The following GOLGA1 variants were observed in gnomAD, a reference collection of about 807,000 sequenced individuals.
GOLGA1 encodes golgin subfamily A member 1.
GOLGA1 carries 63 observed loss-of-function variants against 119.7 expected under a neutral mutation model. The observed-to-expected ratio is 0.53, with a 90% CI of 0.43 to 0.65. GOLGA1 has a LOEUF of 0.65. Among genes scored for constraint, GOLGA1 ranks in the 30% least tolerant of loss-of-function variants. GOLGA1 has a pLI of 0.00. For missense variants in GOLGA1, 798 were observed against 912.8 expected (o/e 0.87, Z 1.62); for synonymous variants, 318 against 333.4 (o/e 0.95, Z 0.50).
intron 4 of GOLGA1, among the ~76,000 whole-genome samples, chr9:124,930,066 C>T (rs1830745447): frequency 1.3e-5 from 2 of 152,020 alleles, no homozygotes; most frequent in South Asian, 4.2e-4. Context: ...ACACAGTGCT[C>T]AATAAAATGT....
At chr9:124,929,846 A>G (rs777242871) in intron 4 of GOLGA1, among the ~76,000 whole-genome samples, 7 of 152,202 alleles carry the variant, frequency 4.6e-5, no homozygotes, top group Non-Finnish European at 8.8e-5. Flanking sequence ...GAATGTCAGA[A>G]TTAATTATCT....
chr9:124,936,599 C>A (rs1219578518), intron 3 of GOLGA1, among the ~76,000 whole-genome samples: 3 of 151,020 alleles, frequency 2.0e-5, no homozygotes, highest in Non-Finnish European at 2.9e-5. Context: ...CCACCACCAA[C>A]CAGGCAAATT....
chr9:124,930,165 T>G (rs1315164467), intron 4 of GOLGA1, among the ~76,000 whole-genome samples: 1 of 152,206 alleles, frequency 6.6e-6, no homozygotes, highest in Non-Finnish European at 1.5e-5. Flanking sequence ...TAAATGTCAG[T>G]GCTCTTCCCT....
rs779991272 is a variant in GOLGA1, at chr9:124,928,301, C to A, written c.302-16G>T. On this transcript the variant is annotated splice_polypyrimidine_tract_variant and intron_variant, in intron 5 of 22. Transcript: ENST00000373555. ...CGCATGGAAGCTGTTAACAAAGAGG[C>A]TCTATTTGAGATATGAAAACACTTC... 5.0e-6 allele frequency: 7 copies of A among 1,412,338 alleles called. No individual in the cohort carries two copies. In the Admixed American group the frequency reaches 1.2e-4, roughly 24 times the overall value. 87.5% of individuals were successfully genotyped at this position (1,412,338 alleles called of 1,614,324 possible).
Position 124,938,633 on chromosome 9 carries a change from G to A in GOLGA1, c.79C>T (p.Arg27Trp), listed in dbSNP as rs138234842. Residue 27 changes from arginine to tryptophan, a missense_variant, in exon 3 of 23, where the codon CGG becomes TGG. Physicochemically the swap from Arg to Trp is moderately radical, Grantham distance 101 (BLOSUM62 -3). Transcript: ENST00000373555. The part of the protein sequence containing the change: ...QRPGGATRIP[R>W]SVSKESVASM... ...GCAACTGATTCCTTGCTCACAGACC[G>A]TGGGATCCTAGTAGCACCTCCTGGC... is the stretch of plus-strand genomic sequence containing the variant. 3.7e-6 allele frequency: 6 copies of A among 1,612,790 alleles called. No individual in the cohort carries two copies. The highest frequency in any genetic ancestry group is 1.1e-5 in the South Asian group (1 of 91,058).
chr9:124,889,104 TC>T (rs1829795130), intron 18 of GOLGA1, 38 bp downstream of exon 18: 1 of 1,557,176 alleles, frequency 6.4e-7, no homozygotes, highest in African/African-American at 1.4e-5. Flanking sequence ...CTGCCCTGCA[TC>T]TTGCTGTAGC....
chr9:124,938,613 T>C lies in GOLGA1; in HGVS notation c.99A>G (p.Ser33=). The C allele has an allele frequency of 1.9e-6, 3 of 1,613,648 alleles. No homozygotes were observed. Among genetic ancestry groups the C allele is most frequent in the Non-Finnish European group, 2.5e-6 (3 of 1,179,580 alleles). Reference sequence around the variant, plus strand: ...CTGAGTCAGCTCCCATTGAGGCAACTGATTCCTTGCTCACAGACCGTGGGA... The same window carrying C: ...CTGAGTCAGCTCCCATTGAGGCAACCGATTCCTTGCTCACAGACCGTGGGA... ...TRIPRSVSKE[S]VASMGADSGD... The change falls in exon 3 of 23, where the codon TCA becomes TCG. Residue 33 remains serine, a synonymous_variant. Coordinates refer to ENST00000373555, the MANE Select transcript of GOLGA1 (RefSeq NM_002077.4).
chr9:124,902,462 GT>G (rs1257237906), intron 12 of GOLGA1, among the ~76,000 whole-genome samples: 1 of 150,886 alleles, frequency 6.6e-6, no homozygotes, highest in African/African-American at 2.4e-5. Context: ...ATGCAGCTTG[GT>G]GAAGGAGAGG....
intron 7 of GOLGA1, 58 bp from the exon 8 acceptor site, chr9:124,923,281 C>T (rs1164559259): frequency 5.7e-6 from 8 of 1,391,692 alleles, no homozygotes; most frequent in East Asian, 2.3e-5. Flanking sequence ...ATCTGTATTA[C>T]GAAAGTGAAA....
In GOLGA1 at chr9:124,928,313, T is replaced by C. The variant is rs747972281; in HGVS notation, c.302-28A>G. On this transcript the variant is annotated intron_variant, in intron 5 of 22. Transcript: ENST00000373555. ...GTTAACAAAGAGGCTCTATTTGAGA[T>C]ATGAAAACACTTCAGAAACAGCATG... 4.6e-5 allele frequency: 55 copies of C among 1,200,052 alleles called. No individual in the cohort carries two copies. The Admixed American group carries it at 9.6e-4, about 21-fold the overall frequency. 74.3% of individuals were successfully genotyped at this position (1,200,052 alleles called of 1,614,324 possible). A position where few individuals can be genotyped will look rare whatever the true frequency, so the allele number is the denominator to read the frequency against.
chr9:124,923,472 G>C (rs1408832971), intron 7 of GOLGA1, among the ~76,000 whole-genome samples: 3 of 151,980 alleles, frequency 2.0e-5, no homozygotes, highest in Non-Finnish European at 4.4e-5. Flanking sequence ...AAAATCTTCA[G>C]GAAATCTCAT....
chr9:124,907,757 C>A (rs1235584886), intron 12 of GOLGA1, among the ~76,000 whole-genome samples: 1 of 152,170 alleles, frequency 6.6e-6, no homozygotes, highest in Non-Finnish European at 1.5e-5. Context: ...AAATACCACT[C>A]CACACTCAGT....
chr9:124,909,398 A>C (rs983046570), intron 11 of GOLGA1, among the ~76,000 whole-genome samples: 4 of 150,876 alleles, frequency 2.7e-5, no homozygotes, highest in African/African-American at 9.8e-5. Context: ...ACGAGGTCAG[A>C]AGTTCGAGAC....
chr9:124,927,822 A>G (rs547529272), intron 6 of GOLGA1, among the ~76,000 whole-genome samples: 1 of 152,330 alleles, frequency 6.6e-6, no homozygotes, highest in South Asian at 2.1e-4. Flanking sequence ...AGTTAATAAC[A>G]TCTTCTCCAG....
At chr9:124,906,904 T>C (rs1830244873) in intron 12 of GOLGA1, among the ~76,000 whole-genome samples, 1 of 152,192 alleles carries the variant, frequency 6.6e-6, no homozygotes, top group Non-Finnish European at 1.5e-5. Context: ...GGAATATATT[T>C]ACATTGTTAG....
chr9:124,904,433 CTT>C (rs1470916380), intron 12 of GOLGA1, among the ~76,000 whole-genome samples: 1 of 152,110 alleles, frequency 6.6e-6, no homozygotes, highest in Non-Finnish European at 1.5e-5. Context: ...ATAAAACAGT[CTT>C]TTCAGAAAAA....
chr9:124,946,627 C>T lies in GOLGA1; in HGVS notation c.-156+1291G>A, dbSNP rs963286258. ...GAAGTAACCAAACATTGATACTTGG[C>T]AACATTCTATAGGTTCACAAATTGG... is the stretch of plus-strand genomic sequence containing the variant. On this transcript the variant is annotated intron_variant, in intron 1 of 4. Transcript: ENST00000421514. This position sits in a 1 kb window ranked among gnomAD's most constrained non-coding sequence, Gnocchi z 4.0. The T allele has an allele frequency of 6.6e-6, 1 of 152,184 alleles. No individual in the cohort carries two copies. The highest frequency in any genetic ancestry group is 2.4e-5 in the African/African-American group (1 of 41,456). 9.4% of individuals were successfully genotyped at this position (152,184 alleles called of 1,614,324 possible). A position where few individuals can be genotyped will look rare whatever the true frequency, so the allele number is the denominator to read the frequency against.
chr9:124,902,269 ACC>A lies in GOLGA1; in HGVS notation c.1066-1724_1066-1723del, dbSNP rs1830124026. ...TGGGACTACAGGCAACTGCCACCAT[ACC>A]CAGCTAATTTTTTCTATTTTTTAGT... On this transcript the variant is annotated intron_variant, in intron 12 of 22. Transcript: ENST00000373555. Among the ~76,000 whole-genome samples the A allele has an allele frequency of 2.0e-5, 3 of 148,822 alleles. No homozygotes were observed. The South Asian group carries it at 6.4e-4, about 32-fold the overall frequency.
At position 124,889,305 on chromosome 9, in the gene GOLGA1, T is replaced by C; in HGVS notation, c.1601-2A>G. On this transcript the variant is annotated splice_acceptor_variant, in intron 17 of 22. Coordinates refer to ENST00000373555, the MANE Select transcript of GOLGA1 (RefSeq NM_002077.4). LOFTEE classifies it high-confidence loss of function. ...TCTGCAGCAGGGCAGAGTTGTGACC[T>C]AGGTCGGGGAGGAGGGGAGGGGGCA... 1.2e-6 allele frequency: 2 copies of C among 1,612,890 alleles called. No individual in the cohort carries two copies. The highest frequency in any genetic ancestry group is 1.7e-6 in the Non-Finnish European group (2 of 1,179,302).
Sources: allele counts gnomAD v4.1 joint callset (sites outside exome capture counted in the v4.1 genomes callset), GRCh38; gene constraint gnomAD v4.1.1; non-coding constraint Gnocchi (gnomAD v3.1); transcripts MANE v1.5; gene names NCBI Gene and HGNC (gene_info 2026-07-23, HGNC 2026-07-21).